The following RIMS2 variants were observed in gnomAD, a reference collection of about 807,000 sequenced individuals.
The protein encoded by RIMS2 is regulating synaptic membrane exocytosis 2.
Under a neutral mutation model 174.4 loss-of-function variants are expected in RIMS2, and 59 were observed. That is an observed-to-expected ratio of 0.34 (90% CI 0.27 to 0.42). The LOEUF is 0.42. Ranked by LOEUF, RIMS2 falls within the 10% of genes least tolerant of loss-of-function variation. RIMS2 has a pLI of 1.00. For synonymous variants in RIMS2, 606 were observed against 572.5 expected (o/e 1.06, Z -0.84); for missense variants, 1,620 against 1,666.3 (o/e 0.97, Z 0.48).
chr8:103,758,468 G>A (rs550994881), intron 2 of RIMS2, among the ~76,000 whole-genome samples: 2 of 152,264 alleles, frequency 1.3e-5, no homozygotes, highest in South Asian at 4.1e-4. Context: ...GGAAGCTGTA[G>A]GTTGAGAAGA....
chr8:103,933,814 T>C (rs987022754), intron 12 of RIMS2, among the ~76,000 whole-genome samples: 1 of 152,212 alleles, frequency 6.6e-6, no homozygotes, highest in Non-Finnish European at 1.5e-5. Flanking sequence ...TTTTACACAT[T>C]AATAAAGGAT....
chr8:103,978,877 T>C (rs1004870130), intron 16 of RIMS2, among the ~76,000 whole-genome samples: 6 of 152,190 alleles, frequency 3.9e-5, no homozygotes, highest in Non-Finnish European at 8.8e-5. Context: ...TGTATATATA[T>C]CTTTTTGTGT....
At chr8:103,818,814 A>G (rs1377033555) in intron 3 of RIMS2, among the ~76,000 whole-genome samples, 1 of 152,200 alleles carries the variant, frequency 6.6e-6, no homozygotes, top group African/African-American at 2.4e-5. Flanking sequence ...ACCTAAGTAC[A>G]TGTTTTCCAA....
intron 19 of RIMS2, among the ~76,000 whole-genome samples, chr8:104,173,936 T>G (rs1415653764): frequency 1.3e-4 from 19 of 149,226 alleles, no homozygotes; most frequent in Non-Finnish European, 2.7e-4. Flanking sequence ...TTTATTTATT[T>G]ATTTATTTAT....
At chr8:103,793,309 A>C (rs1407207707) in intron 3 of RIMS2, among the ~76,000 whole-genome samples, 3 of 152,206 alleles carry the variant, frequency 2.0e-5, no homozygotes, top group Non-Finnish European at 2.9e-5. Context: ...CCCCTCATAT[A>C]AACAGAACCA....
intron 19 of RIMS2, among the ~76,000 whole-genome samples, chr8:104,157,732 C>T (rs557408863): frequency 2.0e-5 from 3 of 152,260 alleles, no homozygotes; most frequent in Admixed American, 1.3e-4. Flanking sequence ...TCAGTAGGCA[C>T]TTGGGTTCCT....
chr8:103,912,561 T>C (rs1332815763), intron 6 of RIMS2, among the ~76,000 whole-genome samples: 3 of 152,128 alleles, frequency 2.0e-5, no homozygotes, highest in Non-Finnish European at 2.9e-5. Flanking sequence ...ATGTAATATG[T>C]ATATATATGT....
intron 1 of RIMS2, among the ~76,000 whole-genome samples, chr8:103,659,784 C>T (rs1458748981): frequency 2.0e-5 from 3 of 152,176 alleles, no homozygotes; most frequent in Admixed American, 1.3e-4. Flanking sequence ...CAGATCAACA[C>T]GAAGAATTGA....
intron 8 of RIMS2, 22 bp downstream of exon 11, chr8:103,916,559 A>T (rs1302017398): frequency 1.3e-6 from 2 of 1,584,916 alleles, no homozygotes; most frequent in Admixed American, 1.8e-5. Context: ...TCAGTATTTT[A>T]TATGTGTGTG....
intron 1 of RIMS2, among the ~76,000 whole-genome samples, chr8:103,690,138 A>AT (rs2097000123): frequency 6.6e-6 from 1 of 151,408 alleles, no homozygotes; most frequent in African/African-American, 2.4e-5. Flanking sequence ...TTTTTTTTGT[A>AT]TTTTTAGTAG....
At chr8:104,006,014 AAC>A (rs1344068015) in intron 17 of RIMS2, among the ~76,000 whole-genome samples, 3 of 152,068 alleles carry the variant, frequency 2.0e-5, no homozygotes, top group Non-Finnish European at 4.4e-5. Flanking sequence ...GTAAGCCAAT[AAC>A]ACACTTTCCC....
intron 4 of RIMS2, among the ~76,000 whole-genome samples, chr8:103,889,597 T>C (rs1390416092): frequency 6.6e-6 from 1 of 151,750 alleles, no homozygotes; most frequent in Non-Finnish European, 1.5e-5. Context: ...AATAATAAAA[T>C]TCCTTGGAAA....
chr8:103,717,309 T>TAA (rs10710945), intron 2 of RIMS2, among the ~76,000 whole-genome samples: 12 of 142,336 alleles, frequency 8.4e-5, no homozygotes, highest in African/African-American at 2.0e-4. Flanking sequence ...TTTCTTTCCT[T>TAA]AAAAAAAAAA....
chr8:103,547,689 C>CACAAAAAT (rs1845757578), intron 1 of RIMS2, among the ~76,000 whole-genome samples: 2 of 151,926 alleles, frequency 1.3e-5, no homozygotes, highest in African/African-American at 4.8e-5. Context: ...TTGAGATACA[C>CACAAAAAT]ACAAAAATAC....
intron 19 of RIMS2, among the ~76,000 whole-genome samples, chr8:104,126,512 T>C (rs2098432247): frequency 6.6e-6 from 1 of 152,194 alleles, no homozygotes; most frequent in South Asian, 2.1e-4. Flanking sequence ...AAATGGTCTC[T>C]AGAACCAGGT....
At chr8:103,803,520 C>A (rs983502969) in intron 3 of RIMS2, among the ~76,000 whole-genome samples, 4 of 151,946 alleles carry the variant, frequency 2.6e-5, no homozygotes, top group Admixed American at 2.0e-4. Context: ...TAACAGTAAA[C>A]CCACCATATG....
intron 17 of RIMS2, among the ~76,000 whole-genome samples, chr8:103,990,244 A>C (rs1274967881): frequency 2.6e-5 from 4 of 152,088 alleles, no homozygotes; most frequent in Non-Finnish European, 5.9e-5. Flanking sequence ...ATGAGAAATT[A>C]CTGTTTACAT....
chr8:103,716,457 T>C (rs1434411000), intron 2 of RIMS2, 137 bp downstream of exon 5: 1 of 152,116 alleles, frequency 6.6e-6, no homozygotes, highest in Non-Finnish European at 1.5e-5. Flanking sequence ...TGCTAAACAT[T>C]ATGGCTTATT....
chr8:103,882,713 G>C (rs1427990065), intron 3 of RIMS2, among the ~76,000 whole-genome samples: 1 of 151,344 alleles, frequency 6.6e-6, no homozygotes, highest in Non-Finnish European at 1.5e-5. Context: ...ATTTTCCTAA[G>C]GTATGATTTT....
Sources: gnomAD v4.1 joint callset for allele counts (sites outside exome capture counted in the v4.1 genomes callset) on GRCh38, gnomAD v4.1.1 for gene constraint, MANE v1.5 for transcripts, NCBI Gene and HGNC (gene_info 2026-07-23, HGNC 2026-07-21) for gene names.